SHISA6: variants seen among roughly 807,000 people sequenced by gnomAD.
The protein encoded by SHISA6 is protein shisa-6.
SHISA6 carries 22 observed loss-of-function variants against 47.9 expected under a neutral mutation model. The ratio of observed to expected loss-of-function variants is 0.46; its 90% confidence interval spans 0.33 to 0.66. The LOEUF is 0.66. Ranked by LOEUF, SHISA6 falls within the 30% of genes least tolerant of loss-of-function variation. The pLI is 0.02. For synonymous variants in SHISA6, 388 were observed against 337.8 expected (o/e 1.15, Z -1.63); for missense variants, 680 against 764.6 (o/e 0.89, Z 1.30).
intron 2 of SHISA6, among the ~76,000 whole-genome samples, chr17:11,356,722 G>A (rs1044910698): frequency 2.0e-5 from 3 of 152,056 alleles, no homozygotes; most frequent in African/African-American, 7.2e-5. Flanking sequence ...TATAACCAGG[G>A]GCCTGTGGTA....
Position 11,561,608 on chromosome 17 carries a change from CT to C in SHISA6, c.*3305del, listed in dbSNP as rs2072044215. 1.3e-5 allele frequency: 2 copies of C among 152,308 alleles called. No homozygotes were observed. The highest frequency in any genetic ancestry group is 2.9e-5 in the Non-Finnish European group (2 of 68,134). 9.4% of individuals were successfully genotyped at this position (152,308 alleles called of 1,614,324 possible). Reference sequence around the variant, plus strand: ...GCCCCCAATTCAAATTTCTCCTCCCCTCTTTCCACTCTCCCTCCCAGAAACT... The same window carrying C: ...GCCCCCAATTCAAATTTCTCCTCCCCCTTTCCACTCTCCCTCCCAGAAACT... On this transcript the variant is annotated 3_prime_UTR_variant, in exon 6 of 6. Coordinates refer to ENST00000441885, the MANE Select transcript of SHISA6 (RefSeq NM_207386.4).
intron 3 of SHISA6, among the ~76,000 whole-genome samples, chr17:11,385,781 T>G (rs1276503847): frequency 1.3e-5 from 2 of 151,932 alleles, no homozygotes; most frequent in Admixed American, 1.3e-4. Context: ...AAAAGACAAC[T>G]CAAGAGTAGG....
At chr17:11,482,475 AC>A (rs1172367188) in intron 3 of SHISA6, among the ~76,000 whole-genome samples, 4 of 152,244 alleles carry the variant, frequency 2.6e-5, no homozygotes, top group African/African-American at 9.6e-5. Flanking sequence ...TTTCTCAGAT[AC>A]ATAAAAATCT....
intron 3 of SHISA6, among the ~76,000 whole-genome samples, chr17:11,404,109 T>G (rs1913866419): frequency 6.6e-6 from 1 of 152,180 alleles, no homozygotes; most frequent in Non-Finnish European, 1.5e-5. Context: ...TCAGGCAGCT[T>G]TTAGGGAGAT....
chr17:11,364,853 C>T (rs1237875981), intron 2 of SHISA6, among the ~76,000 whole-genome samples: 1 of 152,186 alleles, frequency 6.6e-6, no homozygotes, highest in Admixed American at 6.5e-5. Flanking sequence ...ACATCCTCAC[C>T]AACATTTGGT....
chr17:11,243,221 T>C (rs1227992169), intron 1 of SHISA6, among the ~76,000 whole-genome samples: 1 of 151,598 alleles, frequency 6.6e-6, no homozygotes, highest in East Asian at 2.0e-4. Flanking sequence ...CCTTCCTCGC[T>C]GCTGTGCACA....
chr17:11,489,035 T>C (rs537589728), intron 3 of SHISA6, among the ~76,000 whole-genome samples: 2 of 152,322 alleles, frequency 1.3e-5, no homozygotes, highest in African/African-American at 4.8e-5. Flanking sequence ...TGGAGCCTCC[T>C]TGTCTAGATT....
intron 3 of SHISA6, among the ~76,000 whole-genome samples, chr17:11,452,324 A>AAATGT (rs2142306599): frequency 6.6e-6 from 1 of 152,236 alleles, no homozygotes; most frequent in Non-Finnish European, 1.5e-5. Context: ...TTTTCAGGAA[A>AAATGT]CCTTTGTCCC....
At chr17:11,273,060 C>A (rs1185671773) in intron 2 of SHISA6, among the ~76,000 whole-genome samples, 10 of 152,308 alleles carry the variant, frequency 6.6e-5, no homozygotes, top group Admixed American at 5.9e-4. Context: ...ACTAACAGTA[C>A]TTTTAAAATG....
chr17:11,461,055 G>A (rs1214682271), intron 3 of SHISA6, among the ~76,000 whole-genome samples: 1 of 152,144 alleles, frequency 6.6e-6, no homozygotes, highest in Admixed American at 6.5e-5. Context: ...CAAAGAGTGT[G>A]TGTTGAATCT....
chr17:11,276,308 G>A (rs187552117), intron 2 of SHISA6, among the ~76,000 whole-genome samples: 158 of 152,196 alleles, frequency 1.0e-3, no homozygotes, highest in African/African-American at 3.0e-3. Context: ...CAAAGGTGGC[G>A]GAGGGGAGGT....
intron 2 of SHISA6, among the ~76,000 whole-genome samples, chr17:11,287,496 G>A (rs931351760): frequency 1.3e-5 from 2 of 151,186 alleles, no homozygotes; most frequent in African/African-American, 4.9e-5. Flanking sequence ...GACCATCTTA[G>A]GCAAAATGGT....
intron 2 of SHISA6, among the ~76,000 whole-genome samples, chr17:11,348,747 C>A (rs901494174): frequency 3.5e-4 from 53 of 152,140 alleles, no homozygotes; most frequent in African/African-American, 1.3e-3. Flanking sequence ...TCTACCCAAT[C>A]TGTATATTTT....
At chr17:11,527,622 T>C (rs2071697077) in intron 3 of SHISA6, among the ~76,000 whole-genome samples, 1 of 152,212 alleles carries the variant, frequency 6.6e-6, no homozygotes, top group Non-Finnish European at 1.5e-5. Flanking sequence ...GTTTAAGGGT[T>C]GGCACTATGA....
At chr17:11,528,035 A>C (rs1299417368) in intron 3 of SHISA6, among the ~76,000 whole-genome samples, 1 of 152,182 alleles carries the variant, frequency 6.6e-6, no homozygotes, top group East Asian at 1.9e-4. Flanking sequence ...AAGGCAAAGA[A>C]CTTTACAATA....
chr17:11,475,252 T>G (rs915358654), intron 3 of SHISA6, among the ~76,000 whole-genome samples: 1 of 152,180 alleles, frequency 6.6e-6, no homozygotes, highest in African/African-American at 2.4e-5. Context: ...TATTTTTTCC[T>G]TCTCAATCTG....
chr17:11,500,708 A>G (rs1454285605), intron 3 of SHISA6, among the ~76,000 whole-genome samples: 2 of 152,244 alleles, frequency 1.3e-5, no homozygotes, highest in Non-Finnish European at 2.9e-5. Context: ...TCCCATTAAA[A>G]ATTCATTTTC....
At chr17:11,281,590 A>C (rs1243930664) in intron 2 of SHISA6, among the ~76,000 whole-genome samples, 1 of 152,190 alleles carries the variant, frequency 6.6e-6, no homozygotes, top group Non-Finnish European at 1.5e-5. Context: ...CTATGTTCAT[A>C]AAGCATATTG....
intron 3 of SHISA6, among the ~76,000 whole-genome samples, chr17:11,520,977 C>A (rs1341032092): frequency 6.6e-6 from 1 of 152,172 alleles, no homozygotes; most frequent in Non-Finnish European, 1.5e-5. Context: ...TTTGTAGAAA[C>A]CCCTGAGAGA....
Sources: allele counts gnomAD v4.1 joint callset (sites outside exome capture counted in the v4.1 genomes callset), GRCh38; gene constraint gnomAD v4.1.1; transcripts MANE v1.5; gene names NCBI Gene and HGNC (gene_info 2026-07-23, HGNC 2026-07-21).